The following FGD4 variants were observed in gnomAD, a reference collection of about 807,000 sequenced individuals.
FGD4 encodes FYVE, RhoGEF and PH domain-containing protein 4.
A neutral mutation model predicts 102.0 loss-of-function variants in FGD4; 42 were observed. That is an observed-to-expected ratio of 0.41 (90% CI 0.32 to 0.53). FGD4 has a LOEUF of 0.53. Among genes scored for constraint, FGD4 ranks in the 20% least tolerant of loss-of-function variants. The probability of loss-of-function intolerance (pLI) is 0.21; values close to 1 mark genes in which losing one functional copy is unlikely to be tolerated. For synonymous variants in FGD4, 380 were observed against 375.7 expected (o/e 1.01, Z -0.13); for missense variants, 902 against 1,078.2 (o/e 0.84, Z 2.29).
chr12:32,442,561 C>CTTTTTTTTT (rs35994170), intron 1 of FGD4, among the ~76,000 whole-genome samples: 2 of 107,124 alleles, frequency 1.9e-5, no homozygotes, highest in Non-Finnish European at 3.6e-5. Flanking sequence ...ATCTTTCATC[C>CTTTTTTTTT]TTTTTTTTTT....
intron 1 of FGD4, chr12:32,485,977 G>A: frequency 2.2e-6 from 3 of 1,341,528 alleles, no homozygotes; most frequent in Non-Finnish European, 2.9e-6. Context: ...CCATTAGTTA[G>A]TTCTTTATCA....
At chr12:32,492,713 A>T (rs1346807295) in intron 1 of FGD4, among the ~76,000 whole-genome samples, 7 of 152,212 alleles carry the variant, frequency 4.6e-5, no homozygotes, top group Admixed American at 4.6e-4. Flanking sequence ...ATGGGAAAAG[A>T]TATCATCAGG....
At chr12:32,402,459 C>T (rs1188623471) in intron 1 of FGD4, among the ~76,000 whole-genome samples, 2 of 151,668 alleles carry the variant, frequency 1.3e-5, no homozygotes, top group African/African-American at 4.8e-5. Context: ...GAGATGGGGT[C>T]TCACTGTGTT....
At chr12:32,587,128 TG>T (rs1428888759) in intron 4 of FGD4, among the ~76,000 whole-genome samples, 1 of 144,294 alleles carries the variant, frequency 6.9e-6, no homozygotes, top group African/African-American at 2.6e-5. Flanking sequence ...ATGTGGAGGT[TG>T]CAGTGAGCCT....
At chr12:32,587,762 G>C (rs958871809) in intron 4 of FGD4, among the ~76,000 whole-genome samples, 1 of 152,188 alleles carries the variant, frequency 6.6e-6, no homozygotes, top group Non-Finnish European at 1.5e-5. Context: ...AGGAAGGAAA[G>C]TAATGGTGTG....
intron 2 of FGD4, 36 bp from the exon 3 acceptor site, chr12:32,576,230 A>G: frequency 6.5e-7 from 1 of 1,545,062 alleles, no homozygotes; most frequent in Non-Finnish European, 8.7e-7. Context: ...TGAACAAAAT[A>G]TCAGTGAAAT....
chr12:32,502,804 G>A (rs1217389797), intron 1 of FGD4, among the ~76,000 whole-genome samples: 1 of 152,164 alleles, frequency 6.6e-6, no homozygotes, highest in Non-Finnish European at 1.5e-5. Context: ...GAAATGTGAT[G>A]TTTATGCAGT....
At chr12:32,525,182 T>G (rs1428619259) in intron 1 of FGD4, among the ~76,000 whole-genome samples, 1 of 152,150 alleles carries the variant, frequency 6.6e-6, no homozygotes, top group Non-Finnish European at 1.5e-5. Flanking sequence ...AATGAGGGTT[T>G]TGTGACCCAA....
At chr12:32,491,175 T>G in intron 1 of FGD4, among the ~76,000 whole-genome samples, 1 of 140,300 alleles carries the variant, frequency 7.1e-6, no homozygotes, top group Admixed American at 7.3e-5. Flanking sequence ...ATTGGAAAGG[T>G]ATATAAGCAT....
intron 1 of FGD4, among the ~76,000 whole-genome samples, chr12:32,490,046 T>G (rs1010942451): frequency 6.6e-6 from 1 of 152,194 alleles, no homozygotes; most frequent in Non-Finnish European, 1.5e-5. Flanking sequence ...GTCATAAAGA[T>G]ATTTTCCTAT....
chr12:32,546,044 G>A (rs1416808312), intron 1 of FGD4, among the ~76,000 whole-genome samples: 1 of 152,052 alleles, frequency 6.6e-6, no homozygotes, highest in African/African-American at 2.4e-5. Flanking sequence ...CTTTATTTTT[G>A]TGAATATTGT....
Position 32,582,394 on chromosome 12 carries a change from C to T in FGD4, c.938C>T (p.Thr313Ile). 1 of 1,614,028 alleles carries T rather than the reference C, an allele frequency of 6.2e-7. No homozygotes were observed. Among genetic ancestry groups the T allele is most frequent in the Non-Finnish European group, 8.5e-7 (1 of 1,180,014 alleles). The stretch of plus-strand genomic sequence containing the variant: ...GAAGAAAGAGGGGCAGAAACAGAAA[C>T]CAAGGTACAAGAGAGGGAAAATGGG... ...PLEERGAETETKVQERENGES... is the reference protein window; with the variant it reads ...PLEERGAETEIKVQERENGES... Residue 313 changes from threonine (T) to isoleucine (I), a missense_variant, in exon 4 of 17, where the codon ACC becomes ATC. By Grantham distance (89) the Thr-to-Ile change is moderately conservative. This residue lies in a region of FGD4 where 443 missense variants were observed against 459.2 expected (regional missense o/e 0.96). Transcript: ENST00000534526.
At chr12:32,633,830 C>T (rs1041303286) in intron 15 of FGD4, 141 bp downstream of exon 15, 1 of 733,796 alleles carries the variant, frequency 1.4e-6, no homozygotes, top group Non-Finnish European at 2.1e-6. Context: ...ATTACAGGCC[C>T]ACGCCACCAT....
At chr12:32,493,782 C>T (rs961816079) in intron 1 of FGD4, among the ~76,000 whole-genome samples, 2 of 152,090 alleles carry the variant, frequency 1.3e-5, no homozygotes, top group East Asian at 1.9e-4. Flanking sequence ...GAAAAAGAAA[C>T]GTTCAATATA....
At chr12:32,561,737 T>C (rs902629762) in intron 1 of FGD4, among the ~76,000 whole-genome samples, 5 of 152,234 alleles carry the variant, frequency 3.3e-5, no homozygotes, top group African/African-American at 1.2e-4. Context: ...CACTGACACA[T>C]GACTTCTTTA....
chr12:32,607,055 G>A (rs1948824599), intron 7 of FGD4, among the ~76,000 whole-genome samples: 1 of 152,110 alleles, frequency 6.6e-6, no homozygotes, highest in East Asian at 1.9e-4. Context: ...ATACAGTTGT[G>A]CTTAGCAAAC....
chr12:32,442,003 T>A lies in FGD4; in HGVS notation c.166+42044T>A, dbSNP rs142636130. On this transcript the variant is annotated intron_variant, in intron 1 of 16. Transcript: ENST00000534526. ...TCACGCCATGCTGCTGCTCTCAGGG[T>A]GGGGGAAGGGTGGTGCTGGCAATTC... Among the ~76,000 whole-genome samples, 264 of 150,760 alleles carry A rather than the reference T, an allele frequency of 1.8e-3. 2 individuals carry two copies. The highest frequency in any genetic ancestry group is 6.2e-3 in the African/African-American group (253 of 41,108).
chr12:32,540,489 T>C (rs1360819834), intron 1 of FGD4, among the ~76,000 whole-genome samples: 1 of 152,048 alleles, frequency 6.6e-6, no homozygotes, highest in Non-Finnish European at 1.5e-5. Flanking sequence ...GCTAGAGTGT[T>C]AGGGGTGCAT....
At chr12:32,583,669 A>G (rs1946789528) in intron 4 of FGD4, among the ~76,000 whole-genome samples, 1 of 152,036 alleles carries the variant, frequency 6.6e-6, no homozygotes, top group Admixed American at 6.6e-5. Flanking sequence ...AATGTCAGCT[A>G]AGAAAGAGCT....
Sources: allele counts gnomAD v4.1 joint callset (sites outside exome capture counted in the v4.1 genomes callset), GRCh38; gene constraint gnomAD v4.1.1; regional missense constraint gnomAD v4.1.1; transcripts MANE v1.5; gene names NCBI Gene and HGNC (gene_info 2026-07-23, HGNC 2026-07-21).